Variants in HECW1 observed in about 807,000 individuals in gnomAD.
HECW1 encodes HECT, C2 and WW domain containing E3 ubiquitin protein ligase 1.
Under a neutral mutation model 182.3 loss-of-function variants are expected in HECW1, and 61 were observed. The ratio of observed to expected loss-of-function variants is 0.33; its 90% CI spans 0.27 to 0.41. The LOEUF is 0.41. Ranked by LOEUF, HECW1 falls within the 10% of genes least tolerant of loss-of-function variation. The probability of loss-of-function intolerance (pLI) is 1.00; values close to 1 mark genes in which losing one functional copy is unlikely to be tolerated. For synonymous variants in HECW1, 859 were observed against 832.6 expected (o/e 1.03, Z -0.55); for missense variants, 1,739 against 2,108.9 (o/e 0.82, Z 3.44).
chr7:43,382,130 C>CA (rs1162646791), intron 6 of HECW1, among the ~76,000 whole-genome samples: 1 of 152,010 alleles, frequency 6.6e-6, no homozygotes, highest in Non-Finnish European at 1.5e-5. Flanking sequence ...CTAGAAAATA[C>CA]AAAAAATTAG....
chr7:43,545,809 T>C (rs1408351895), intron 26 of HECW1, among the ~76,000 whole-genome samples: 1 of 147,636 alleles, frequency 6.8e-6, no homozygotes, highest in Non-Finnish European at 1.5e-5. Context: ...GGTTTGGTCT[T>C]GTTGTCTCGG....
At chr7:43,528,909 C>T (rs1344083827) in intron 24 of HECW1, among the ~76,000 whole-genome samples, 1 of 152,030 alleles carries the variant, frequency 6.6e-6, no homozygotes, top group Admixed American at 6.6e-5. Flanking sequence ...CTATGAAAAC[C>T]AAATATAAAT....
In HECW1 at chr7:43,172,365, T is replaced by A. The variant is rs568497527; in HGVS notation, c.-32+57974T>A. Among the ~76,000 whole-genome samples the A allele has an allele frequency of 4.7e-4, 72 of 151,596 alleles. 1 individual carries two copies. The South Asian group carries it at 0.01, about 21-fold the overall frequency. ...TCACTATGGAAAAAATAGAAAAAAATTTTCTATTTTTAGAAAATTTTTAGT... is the reference window on the plus strand; with the variant it reads ...TCACTATGGAAAAAATAGAAAAAAAATTTCTATTTTTAGAAAATTTTTAGT... On this transcript the variant is annotated intron_variant, in intron 2 of 29. Coordinates refer to ENST00000395891, the MANE Select transcript of HECW1 (RefSeq NM_015052.5).
chr7:43,394,796 T>C (rs1019049087), intron 6 of HECW1, among the ~76,000 whole-genome samples: 1 of 152,168 alleles, frequency 6.6e-6, no homozygotes, highest in African/African-American at 2.4e-5. Context: ...GAGTAATTCA[T>C]GCAGAGCCGG....
intron 24 of HECW1, among the ~76,000 whole-genome samples, chr7:43,536,475 C>T (rs1228082976): frequency 1.3e-5 from 2 of 152,320 alleles, no homozygotes; most frequent in Admixed American, 6.5e-5. Flanking sequence ...TGGGCTGACC[C>T]GCCTTGCCTC....
At chr7:43,407,783 CTG>C (rs780402894) in intron 8 of HECW1, 52 bp downstream of exon 8, 4 of 1,485,744 alleles carry the variant, frequency 2.7e-6, no homozygotes, top group Non-Finnish European at 3.7e-6. Context: ...AAAGGGCTGA[CTG>C]TGAACCAGCC....
rs142932720 is a variant in HECW1, at chr7:43,214,713, C to T, written c.-31-29162C>T. Among the ~76,000 whole-genome samples, 152 of 152,284 alleles carry T rather than the reference C, an allele frequency of 1.0e-3. 2 individuals are homozygous for T. The East Asian group carries it at 0.027, about 27-fold the overall frequency. On this transcript the variant is annotated intron_variant, in intron 2 of 29. Transcript: ENST00000395891. Reference sequence around the variant, plus strand: ...CAAGGCATGGGCAGAGCACAGGAGACGGCAGGGTGGCTGGGCAGGCATGAG... The same window carrying T: ...CAAGGCATGGGCAGAGCACAGGAGATGGCAGGGTGGCTGGGCAGGCATGAG...
At chr7:43,512,862 T>A (rs77847493) in intron 24 of HECW1, among the ~76,000 whole-genome samples, 4,872 of 152,308 alleles carry the variant, frequency 0.032, 122 homozygotes, top group East Asian at 0.12. Flanking sequence ...GACACGGTAC[T>A]CAGCTGTGGC....
chr7:43,117,589 C>T (rs542550455), intron 2 of HECW1, among the ~76,000 whole-genome samples: 1 of 152,176 alleles, frequency 6.6e-6, no homozygotes, highest in South Asian at 2.1e-4. Context: ...TTATCGTTTA[C>T]GTCTTTTTCT....
chr7:43,221,829 G>A (rs1300669621), intron 2 of HECW1, among the ~76,000 whole-genome samples: 1 of 152,070 alleles, frequency 6.6e-6, no homozygotes, highest in Non-Finnish European at 1.5e-5. Flanking sequence ...ACAGGCATGA[G>A]CCACTGCACC....
At chr7:43,355,672 A>T (rs1398939846) in intron 5 of HECW1, among the ~76,000 whole-genome samples, 1 of 152,116 alleles carries the variant, frequency 6.6e-6, no homozygotes, top group Middle Eastern at 3.2e-3. Flanking sequence ...GATAGGAAAT[A>T]TGGAAAAAAG....
At chr7:43,324,458 A>G (rs1256064067) in intron 5 of HECW1, among the ~76,000 whole-genome samples, 1 of 152,232 alleles carries the variant, frequency 6.6e-6, no homozygotes, top group Non-Finnish European at 1.5e-5. Context: ...GTGCTTTCAA[A>G]AATGTATGAT....
chr7:43,337,813 C>G (rs1812493389), intron 5 of HECW1, among the ~76,000 whole-genome samples: 1 of 151,470 alleles, frequency 6.6e-6, no homozygotes, highest in Non-Finnish European at 1.5e-5. Flanking sequence ...AGCACAATGT[C>G]TTTTTTTTTA....
At chr7:43,522,406 T>G (rs1417114420) in intron 24 of HECW1, 2 of 152,230 alleles carry the variant, frequency 1.3e-5, no homozygotes, top group Non-Finnish European at 1.5e-5. Flanking sequence ...GCTGTTATCA[T>G]TTGCTTCCCA....
intron 5 of HECW1, among the ~76,000 whole-genome samples, chr7:43,332,873 G>A (rs548351626): frequency 6.6e-6 from 1 of 152,280 alleles, no homozygotes; most frequent in African/African-American, 2.4e-5. Flanking sequence ...CTAGATGGCA[G>A]ATATTTTTAT....
chr7:43,489,944 G>A (rs929038367), intron 17 of HECW1, among the ~76,000 whole-genome samples: 2 of 152,186 alleles, frequency 1.3e-5, no homozygotes, highest in African/African-American at 4.8e-5. Context: ...AATTCTGTGT[G>A]AGTGAGTTTT....
At chr7:43,288,805 G>A (rs904610838) in intron 3 of HECW1, among the ~76,000 whole-genome samples, 3 of 152,188 alleles carry the variant, frequency 2.0e-5, no homozygotes, top group Non-Finnish European at 4.4e-5. Context: ...TGACAAATGT[G>A]CAGTGGTTCA....
intron 6 of HECW1, among the ~76,000 whole-genome samples, chr7:43,366,066 G>A (rs1037562818): frequency 1.3e-5 from 2 of 151,654 alleles, no homozygotes; most frequent in African/African-American, 4.9e-5. Context: ...TCACACCACT[G>A]CACTCCAGCC....
intron 2 of HECW1, among the ~76,000 whole-genome samples, chr7:43,130,892 T>A (rs974879593): frequency 3.9e-5 from 6 of 152,244 alleles, no homozygotes; most frequent in Admixed American, 2.6e-4. Context: ...TACAATAATC[T>A]ACTTAGTACT....
Sources: gnomAD v4.1 joint callset for allele counts (sites outside exome capture counted in the v4.1 genomes callset) on GRCh38, gnomAD v4.1.1 for gene constraint, MANE v1.5 for transcripts, NCBI Gene and HGNC (gene_info 2026-07-23, HGNC 2026-07-21) for gene names.